The following GRXCR1 variants were observed in gnomAD, a reference collection of about 807,000 sequenced individuals.
The protein encoded by GRXCR1 is glutaredoxin and cysteine rich domain containing 1, also known as glutaredoxin domain-containing cysteine-rich protein 1.
In GRXCR1, 27 loss-of-function variants were observed where a neutral mutation model predicts 27.3. That is an observed-to-expected ratio of 0.99 (90% CI 0.73 to 1.37). GRXCR1 has a LOEUF of 1.37. GRXCR1 is among the 40% of genes most tolerant of loss of function. GRXCR1 has a pLI of 0.00. For synonymous variants in GRXCR1, 122 were observed against 131.1 expected, an observed-to-expected ratio of 0.93 and a Z score of 0.47; for missense variants, 379 against 354.4, an observed-to-expected ratio of 1.07 and a Z score of -0.56.
chr4:43,019,651 A>G (rs1278309232), intron 2 of GRXCR1, among the ~76,000 whole-genome samples: 1 of 152,204 alleles, frequency 6.6e-6, no homozygotes, highest in East Asian at 1.9e-4. Flanking sequence ...GTTCGAAGAA[A>G]CACACATTGT....
At chr4:43,022,684 G>A (rs1713132864) in intron 3 of GRXCR1, among the ~76,000 whole-genome samples, 1 of 152,104 alleles carries the variant, frequency 6.6e-6, no homozygotes, top group African/African-American at 2.4e-5. Context: ...AGTTTAAGAG[G>A]AAGTAAAGAG....
chr4:42,943,963 G>A (rs28709404), intron 1 of GRXCR1, among the ~76,000 whole-genome samples: 28,229 of 151,964 alleles, frequency 0.19, 2,749 homozygotes, highest in South Asian at 0.3. Context: ...TGGTGCTAAG[G>A]TTGAGAAACT....
At chr4:43,019,220 T>C (rs926807108) in intron 2 of GRXCR1, among the ~76,000 whole-genome samples, 3 of 152,336 alleles carry the variant, frequency 2.0e-5, no homozygotes, top group African/African-American at 7.2e-5. Flanking sequence ...TATCTTTGTT[T>C]ATTCATTATT....
intron 1 of GRXCR1, among the ~76,000 whole-genome samples, chr4:42,937,496 C>A (rs1333564160): frequency 6.6e-6 from 1 of 151,854 alleles, no homozygotes; most frequent in Non-Finnish European, 1.5e-5. Flanking sequence ...TCTCAGCTGA[C>A]AGACCAAGGA....
At chr4:42,983,104 G>C in intron 2 of GRXCR1, among the ~76,000 whole-genome samples, 1 of 148,094 alleles carries the variant, frequency 6.8e-6, no homozygotes, top group Admixed American at 6.7e-5. Context: ...CATTGCTTTT[G>C]GTGTTTTAGA....
intron 1 of GRXCR1, among the ~76,000 whole-genome samples, chr4:42,945,165 A>G (rs1747714195): frequency 1.3e-5 from 2 of 152,198 alleles, no homozygotes; most frequent in Admixed American, 1.3e-4. Context: ...CTCAGCAGAC[A>G]CAGAATCTAC....
intron 2 of GRXCR1, among the ~76,000 whole-genome samples, chr4:43,015,972 T>C (rs1194506207): frequency 6.6e-6 from 1 of 152,186 alleles, no homozygotes; most frequent in East Asian, 1.9e-4. Context: ...CACAGATAGC[T>C]AAAATCTGTG....
At chr4:43,005,960 G>A (rs1196311609) in intron 2 of GRXCR1, among the ~76,000 whole-genome samples, 1 of 152,238 alleles carries the variant, frequency 6.6e-6, no homozygotes, top group Non-Finnish European at 1.5e-5. Context: ...GGGACCGGCT[G>A]AAGCCATGGC....
chr4:42,924,177 C>G (rs1042417964), intron 1 of GRXCR1, among the ~76,000 whole-genome samples: 1 of 152,082 alleles, frequency 6.6e-6, no homozygotes, highest in Non-Finnish European at 1.5e-5. Context: ...ATACAAGAAT[C>G]GGGTCTTACA....
chr4:42,907,817 A>G (rs1383896741), intron 1 of GRXCR1, among the ~76,000 whole-genome samples: 1 of 152,108 alleles, frequency 6.6e-6, no homozygotes, highest in African/African-American at 2.4e-5. Flanking sequence ...TGCTTGGGGG[A>G]AAAGCTCCGT....
chr4:43,027,986 G>T (rs1273709397), intron 3 of GRXCR1, among the ~76,000 whole-genome samples: 1 of 152,104 alleles, frequency 6.6e-6, no homozygotes, highest in Non-Finnish European at 1.5e-5. Flanking sequence ...ACATGCACCT[G>T]TAATCCCAGC....
intron 1 of GRXCR1, among the ~76,000 whole-genome samples, chr4:42,930,691 G>A (rs1433071480): frequency 1.3e-5 from 2 of 151,882 alleles, no homozygotes; most frequent in Non-Finnish European, 2.9e-5. Context: ...CTGTCTATTA[G>A]CCAACCACAG....
chr4:42,993,463 G>A (rs73177781), intron 2 of GRXCR1, among the ~76,000 whole-genome samples: 3,905 of 151,674 alleles, frequency 0.026, 169 homozygotes, highest in African/African-American at 0.088. Flanking sequence ...GTTATGTCTC[G>A]GTAAACTCAT....
At chr4:43,002,070 A>G (rs1289635630) in intron 2 of GRXCR1, among the ~76,000 whole-genome samples, 1 of 152,228 alleles carries the variant, frequency 6.6e-6, no homozygotes, top group African/African-American at 2.4e-5. Context: ...TTTTTCTCCT[A>G]TCTCAGAATC....
At chr4:42,910,773 A>G (rs1746705874) in intron 1 of GRXCR1, among the ~76,000 whole-genome samples, 1 of 152,124 alleles carries the variant, frequency 6.6e-6, no homozygotes, top group South Asian at 2.1e-4. Flanking sequence ...CAGCACATAT[A>G]TACCAATACA....
At position 42,932,619 on chromosome 4, in the gene GRXCR1, T is replaced by TAGAGAGAGAGAG. The variant is rs762758381; in HGVS notation, c.385-30238_385-30227dup. On this transcript the variant is annotated intron_variant, in intron 1 of 3. Transcript: ENST00000399770. Reference sequence around the variant, plus strand: ...ATATATATATATATATATATATATATAGAGAGAGAGAGAGAGAGAGAGAGA... The same window carrying TAGAGAGAGAGAG: ...ATATATATATATATATATATATATATAGAGAGAGAGAGAGAGAGAGAGAGAGAGAGAGAGAGA... Among the ~76,000 whole-genome samples the TAGAGAGAGAGAG allele has an allele frequency of 1.3e-3, 29 of 22,922 alleles. 2 individuals are homozygous for TAGAGAGAGAGAG. The highest frequency in any genetic ancestry group is 4.1e-3 in the South Asian group (2 of 486). The allele number at this position is 22,922 out of a possible 152,430, so 15.0% of individuals were successfully genotyped here. A position where few individuals can be genotyped will look rare whatever the true frequency, so the allele number is the denominator to read the frequency against.
intron 1 of GRXCR1, among the ~76,000 whole-genome samples, chr4:42,912,503 C>T (rs1362447313): frequency 6.6e-6 from 1 of 152,178 alleles, no homozygotes; most frequent in African/African-American, 2.4e-5. Flanking sequence ...ACTAGCACAG[C>T]TCATGTGTAC....
chr4:42,968,017 C>G (rs1218647669), intron 2 of GRXCR1, among the ~76,000 whole-genome samples: 1 of 152,100 alleles, frequency 6.6e-6, no homozygotes, highest in African/African-American at 2.4e-5. Flanking sequence ...GAGTGGTTTT[C>G]TTAGATGAAG....
intron 1 of GRXCR1, among the ~76,000 whole-genome samples, chr4:42,940,245 T>A (rs1747585145): frequency 6.6e-6 from 1 of 152,052 alleles, no homozygotes; most frequent in Admixed American, 6.6e-5. Flanking sequence ...ACACTTTGCC[T>A]CCAGCAGCTT....
Sources: allele counts gnomAD v4.1 joint callset (sites outside exome capture counted in the v4.1 genomes callset), GRCh38; gene constraint gnomAD v4.1.1; transcripts MANE v1.5; gene names NCBI Gene and HGNC (gene_info 2026-07-23, HGNC 2026-07-21).